The following KIRREL3 variants were observed in gnomAD, a reference collection of about 807,000 sequenced individuals.
KIRREL3 encodes the protein kirre like nephrin family adhesion molecule 3, also known as kin of IRRE-like protein 3.
KIRREL3 carries 36 observed loss-of-function variants against 89.7 expected under a neutral mutation model. The ratio of observed to expected loss-of-function variants is 0.40; its 90% CI spans 0.31 to 0.53. The LOEUF (loss-of-function observed/expected upper bound fraction) is 0.53. Among genes scored for constraint, KIRREL3 ranks in the 20% least tolerant of loss-of-function variants. The probability of loss-of-function intolerance (pLI) is 0.49; values close to 1 mark genes in which losing one functional copy is unlikely to be tolerated. For missense variants in KIRREL3, 864 were observed against 1,056.6 expected, an observed-to-expected ratio of 0.82 and a Z score of 2.53; for synonymous variants, 445 against 441.4, an observed-to-expected ratio of 1.01 and a Z score of -0.10.
chr11:126,855,697 C>G (rs1174077522), intron 1 of KIRREL3, among the ~76,000 whole-genome samples: 1 of 152,222 alleles, frequency 6.6e-6, no homozygotes, highest in East Asian at 1.9e-4. Flanking sequence ...CATCACCAGC[C>G]TTTCCAGTCC....
At position 126,623,453 on chromosome 11, in the gene KIRREL3, G is replaced by A. The variant is rs1181585801; in HGVS notation, c.56-60541C>T. Among the ~76,000 whole-genome samples the A allele has an allele frequency of 1.3e-5, 2 of 152,162 alleles. No individual in the cohort carries two copies. Among genetic ancestry groups the A allele is most frequent in the Non-Finnish European group, 2.9e-5 (2 of 68,032 alleles). On this transcript the variant is annotated intron_variant, in intron 1 of 16. Transcript: ENST00000525144. The surrounding 1 kb of genome is among the most constrained non-coding windows in gnomAD (Gnocchi z 4.1). ...GTAAGTCCAAGTTCTTTGAAGGAAG[G>A]AACTATGTTGGTATTCTGTGATGTA...
chr11:126,431,665 G>T lies in KIRREL3; in HGVS notation c.1589-139C>A. ...AAATGCCTCAGTGGGGCCTGGGCAG[G>T]CACAGGCCGAGTCCAACTGGGGTCA... On this transcript the variant is annotated intron_variant, in intron 13 of 16. Transcript: ENST00000525144. The surrounding 1 kb of genome is among the most constrained non-coding windows in gnomAD (Gnocchi z 7.1). 1 of 834,860 alleles carries T rather than the reference G, an allele frequency of 1.2e-6. No individual in the cohort carries two copies. Among genetic ancestry groups the T allele is most frequent in the Non-Finnish European group, 1.9e-6 (1 of 529,448 alleles). 51.7% of individuals were successfully genotyped at this position (834,860 alleles called of 1,614,324 possible). A position where few individuals can be genotyped will look rare whatever the true frequency, so the allele number is the denominator to read the frequency against.
Position 126,653,801 on chromosome 11 carries a change from A to T in KIRREL3, c.56-90889T>A, listed in dbSNP as rs1945008234. Among the ~76,000 whole-genome samples, 1 of 152,232 alleles carries T rather than the reference A, an allele frequency of 6.6e-6. No individual in the cohort carries two copies. The highest frequency in any genetic ancestry group is 2.4e-5 in the African/African-American group (1 of 41,460). On this transcript the variant is annotated intron_variant, in intron 1 of 16. Transcript: ENST00000525144. The surrounding 1 kb of genome is among the most constrained non-coding windows in gnomAD (Gnocchi z 5.4). ...CCTGAGAAGGTGGAGAAGGGCAGGG[A>T]TGCCCCTGGCACTTTTTTTGTCTCT...
rs564718519 is a variant in KIRREL3, at chr11:126,791,460, C to T, written c.55+208995G>A. ...AAAGCCCAGCCACTCCTGATGGTGACGGCATTTGCAGAAAATTGTACATAT... is the reference window on the plus strand; with the variant it reads ...AAAGCCCAGCCACTCCTGATGGTGATGGCATTTGCAGAAAATTGTACATAT... On this transcript the variant is annotated intron_variant, in intron 1 of 16. Coordinates refer to ENST00000525144, the MANE Select transcript of KIRREL3 (RefSeq NM_032531.4). The surrounding 1 kb of genome is among the most constrained non-coding windows in gnomAD (Gnocchi z 4.8). 2.4e-4 allele frequency among the ~76,000 whole-genome samples: 37 copies of T among 152,322 alleles called. No individual in the cohort carries two copies. Among genetic ancestry groups the T allele is most frequent in the East Asian group, 3.9e-4 (2 of 5,184 alleles).
intron 1 of KIRREL3, among the ~76,000 whole-genome samples, chr11:126,975,894 C>CCCTT (rs1949553104): frequency 2.2e-5 from 2 of 92,966 alleles, no homozygotes; most frequent in Non-Finnish European, 4.2e-5. Context: ...TTCCCTCCCT[C>CCCTT]CCTCCCTCCC....
chr11:126,931,352 A>G lies in KIRREL3; in HGVS notation c.55+69103T>C, dbSNP rs554535357. On this transcript the variant is annotated intron_variant, in intron 1 of 16. Transcript: ENST00000525144. This position sits in a 1 kb window ranked among gnomAD's most constrained non-coding sequence, Gnocchi z 5.1. The stretch of plus-strand genomic sequence containing the variant: ...ACCTGCCTTTCCTCCCTCCCTCCAT[A>G]CATTCCTTCTTTCCTTCCTTCCTCC... Among the ~76,000 whole-genome samples the G allele has an allele frequency of 8.7e-5, 3 of 34,522 alleles. No homozygotes were observed. The highest frequency in any genetic ancestry group is 6.7e-4 in the African/African-American group (3 of 4,492). 22.6% of individuals were successfully genotyped at this position (34,522 alleles called of 152,430 possible). A position where few individuals can be genotyped will look rare whatever the true frequency, so the allele number is the denominator to read the frequency against.
intron 1 of KIRREL3, among the ~76,000 whole-genome samples, chr11:126,842,179 G>A (rs1386727234): frequency 1.3e-5 from 2 of 152,142 alleles, no homozygotes; most frequent in Non-Finnish European, 2.9e-5. Context: ...GGCCAGCTCT[G>A]TCAGGAGCTC....
intron 1 of KIRREL3, among the ~76,000 whole-genome samples, chr11:126,902,847 T>C (rs1214675464): frequency 7.0e-6 from 1 of 143,522 alleles, no homozygotes; most frequent in Non-Finnish European, 1.5e-5. Context: ...TTTAATCACA[T>C]TTCCTTCTGA....
At position 126,923,237 on chromosome 11, in the gene KIRREL3, CT is replaced by C. The variant is rs1475747464; in HGVS notation, c.55+77217del. 3.6e-3 allele frequency among the ~76,000 whole-genome samples: 195 copies of C among 54,050 alleles called. 29 individuals are homozygous for C. Among genetic ancestry groups the C allele is most frequent in the Middle Eastern group, 0.013 (1 of 80 alleles). 35.5% of individuals were successfully genotyped at this position (54,050 alleles called of 152,430 possible). On this transcript the variant is annotated intron_variant, in intron 1 of 16. Transcript: ENST00000525144. ...TCTTCTTCTTCTTCTTCTTCTTCTT[CT>C]TCTTCTTCTTCTTCTTCTTCTTCTT...
intron 1 of KIRREL3, among the ~76,000 whole-genome samples, chr11:126,959,935 C>T (rs1215404909): frequency 6.6e-6 from 1 of 152,190 alleles, no homozygotes; most frequent in Non-Finnish European, 1.5e-5. Flanking sequence ...TTGTATAAGC[C>T]TTTCTACGCT....
At position 126,977,781 on chromosome 11, in the gene KIRREL3, A is replaced by G. The variant is rs1173591752; in HGVS notation, c.55+22674T>C. Among the ~76,000 whole-genome samples the G allele has an allele frequency of 6.6e-6, 1 of 152,218 alleles. No homozygotes were observed. Among genetic ancestry groups the G allele is most frequent in the Non-Finnish European group, 1.5e-5 (1 of 68,036 alleles). On this transcript the variant is annotated intron_variant, in intron 1 of 16. Coordinates refer to ENST00000525144, the MANE Select transcript of KIRREL3 (RefSeq NM_032531.4). The surrounding 1 kb of genome is among the most constrained non-coding windows in gnomAD (Gnocchi z 4.7). ...GGCAATTAAAAAGTATGTCAAGAACACTGTTTCAGCAGGACCAGCCTTCCA... is the reference window on the plus strand; with the variant it reads ...GGCAATTAAAAAGTATGTCAAGAACGCTGTTTCAGCAGGACCAGCCTTCCA...
Position 126,516,559 on chromosome 11 carries a change from C to T in KIRREL3, c.433+4756G>A, listed in dbSNP as rs564997076. On this transcript the variant is annotated intron_variant, in intron 4 of 16. Coordinates refer to ENST00000525144, the MANE Select transcript of KIRREL3 (RefSeq NM_032531.4). The surrounding 1 kb of genome is among the most constrained non-coding windows in gnomAD (Gnocchi z 4.9). ...CTCTTTCGTTTCCTGATGAATCCCA[C>T]GTGTCTAGACTAGTGCTTGGCATAT... 9.8e-5 allele frequency among the ~76,000 whole-genome samples: 15 copies of T among 152,312 alleles called. No homozygotes were observed. Among genetic ancestry groups the T allele is most frequent in the African/African-American group, 2.2e-4 (9 of 41,568 alleles).
At chr11:126,665,570 C>T (rs500900) in intron 1 of KIRREL3, among the ~76,000 whole-genome samples, 1 of 152,210 alleles carries the variant, frequency 6.6e-6, no homozygotes, top group Non-Finnish European at 1.5e-5. Flanking sequence ...GAGCTGCCCT[C>T]TTCCACCATG....
intron 1 of KIRREL3, among the ~76,000 whole-genome samples, chr11:126,841,734 G>A (rs142250289): frequency 5.3e-5 from 8 of 152,324 alleles, no homozygotes; most frequent in South Asian, 4.1e-4. Context: ...GCACCCTACA[G>A]CGTCATCTTC....
Position 126,761,319 on chromosome 11 carries a change from G to C in KIRREL3, c.56-198407C>G, listed in dbSNP as rs1488518616. Among the ~76,000 whole-genome samples the C allele has an allele frequency of 6.6e-6, 1 of 151,574 alleles. No individual in the cohort carries two copies. Among genetic ancestry groups the C allele is most frequent in the East Asian group, 2.0e-4 (1 of 5,070 alleles). On this transcript the variant is annotated intron_variant, in intron 1 of 16. Coordinates refer to ENST00000525144, the MANE Select transcript of KIRREL3 (RefSeq NM_032531.4). This position sits in a 1 kb window ranked among gnomAD's most constrained non-coding sequence, Gnocchi z 4.4. ...CAAACCTCCCTGGGGGCTCACCAGA[G>C]GGGACTGTGATGAGTTGGCTTCTCA...
chr11:126,825,940 C>T (rs1330470450), intron 1 of KIRREL3, among the ~76,000 whole-genome samples: 1 of 152,222 alleles, frequency 6.6e-6, no homozygotes, highest in African/African-American at 2.4e-5. Context: ...ATAATCATAT[C>T]AAGGAGAATC....
chr11:126,722,305 C>G (rs951159580), intron 1 of KIRREL3, among the ~76,000 whole-genome samples: 4 of 152,266 alleles, frequency 2.6e-5, no homozygotes, highest in Non-Finnish European at 4.4e-5. Context: ...GCATGGTTCA[C>G]TCCCTCACTT....
In KIRREL3 at chr11:126,474,931, C is replaced by T. The variant is rs1957022936; in HGVS notation, c.434-1465G>A. Among the ~76,000 whole-genome samples the T allele has an allele frequency of 1.3e-5, 2 of 152,166 alleles. No homozygotes were observed. The highest frequency in any genetic ancestry group is 1.3e-4 in the Admixed American group (2 of 15,286). On this transcript the variant is annotated intron_variant, in intron 4 of 16. Coordinates refer to ENST00000525144, the MANE Select transcript of KIRREL3 (RefSeq NM_032531.4). The surrounding 1 kb of genome is among the most constrained non-coding windows in gnomAD (Gnocchi z 6.7). ...TTGAGAGTCTCAGGCCTCTGCTGCT[C>T]CCTGGACAAGCCACAGAAGGGACAG...
Position 127,000,442 on chromosome 11 carries a change from G to A in KIRREL3, c.55+13C>T. On this transcript the variant is annotated intron_variant, in intron 1 of 16. Coordinates refer to ENST00000525144, the MANE Select transcript of KIRREL3 (RefSeq NM_032531.4). The surrounding 1 kb of genome is among the most constrained non-coding windows in gnomAD (Gnocchi z 7.1). ...CCGACTTTCTTCCAACTCCAGCAGCGCAGGGGTCCTACCTTGACTGAAGAG... is the reference window on the plus strand; with the variant it reads ...CCGACTTTCTTCCAACTCCAGCAGCACAGGGGTCCTACCTTGACTGAAGAG... The A allele has an allele frequency of 3.1e-6, 5 of 1,596,976 alleles. No homozygotes were observed. Among genetic ancestry groups the A allele is most frequent in the African/African-American group, 1.3e-5 (1 of 74,650 alleles).
Sources: allele counts gnomAD v4.1 joint callset (sites outside exome capture counted in the v4.1 genomes callset), GRCh38; gene constraint gnomAD v4.1.1; non-coding constraint Gnocchi (gnomAD v3.1); transcripts MANE v1.5; gene names NCBI Gene and HGNC (gene_info 2026-07-23, HGNC 2026-07-21).